Variants in ODC1 observed in about 807,000 individuals in gnomAD.
ODC1 encodes the protein ornithine decarboxylase 1, also known as ornithine decarboxylase.
Under a neutral mutation model 41.5 loss-of-function variants are expected in ODC1, and 18 were observed. The observed-to-expected ratio is 0.43, with a 90% confidence interval of 0.30 to 0.64. ODC1 has a LOEUF of 0.64. ODC1 is among the 30% of genes least tolerant of loss of function. The pLI is 0.11. For synonymous variants in ODC1, 218 were observed against 211.6 expected (o/e 1.03, Z -0.26); for missense variants, 504 against 589.0 (o/e 0.86, Z 1.49).
chr2:10,441,542 G>A lies in ODC1; in HGVS notation c.1208C>T (p.Pro403Leu). ...AASTFNGFQR[P>L]TIYYVMSGPA... ...CCCTGACATCACATAGTAGATCGTC[G>A]GCCTCTGGAAGCCATTGAACGTAGA... The change falls in exon 11 of 12, where the codon CCG (proline) becomes CTG (leucine). Residue 403 changes from proline to leucine, a missense_variant. Coordinates refer to ENST00000234111, the MANE Select transcript of ODC1 (RefSeq NM_002539.3). 1.9e-6 allele frequency: 3 copies of A among 1,614,052 alleles called. No individual in the cohort carries two copies. Among genetic ancestry groups the A allele is most frequent in the Non-Finnish European group, 2.5e-6 (3 of 1,180,012 alleles).
At chr2:10,444,690 C>T (rs370929260) in intron 3 of ODC1, 43 bp from the exon 4 acceptor site, 66 of 1,547,838 alleles carry the variant, frequency 4.3e-5, no homozygotes, top group Non-Finnish European at 5.7e-5. Flanking sequence ...GCAGCCTCAC[C>T]ACACACCACA....
In ODC1 at chr2:10,441,645, G is replaced by A. The variant is rs371443385; in HGVS notation, c.1105C>T (p.Arg369Cys). 9.4e-5 allele frequency: 152 copies of A among 1,614,158 alleles called. 1 individual carries two copies. The highest frequency in any genetic ancestry group is 3.1e-4 in the South Asian group (28 of 91,084). ...TCDGLDRIVE[R>C]CDLPEMHVGD... Reference sequence around the variant, plus strand: ...ACATGCATTTCAGGCAGGTCACAGCGCTCAACAATCCGATCGAGGCCATCA... The same window carrying A: ...ACATGCATTTCAGGCAGGTCACAGCACTCAACAATCCGATCGAGGCCATCA... The change falls in exon 11 of 12, where the codon CGC becomes TGC. Residue 369 changes from arginine (R) to cysteine (C), a missense_variant. Arg to Cys is a radical substitution (Grantham distance 180, BLOSUM62 -3). Transcript: ENST00000234111.
chr2:10,442,889 T>C (rs1671877623), intron 8 of ODC1, among the ~76,000 whole-genome samples: 1 of 151,950 alleles, frequency 6.6e-6, no homozygotes, highest in Admixed American at 6.6e-5. Flanking sequence ...TTTAAAATTT[T>C]TTTTGTAGAG....
rs778672400 is a variant in ODC1 at position 10,443,578 on chromosome 2, T to A, written c.585-7A>T. 3.7e-6 allele frequency: 6 copies of A among 1,611,448 alleles called. No homozygotes were observed. The highest frequency in any genetic ancestry group is 5.1e-6 in the Non-Finnish European group (6 of 1,178,696). ...GCCGCTTCCTACATGGAAGCTGGGG[T>A]AAAATAAAGAGACGAGACACTGTGT... is the stretch of plus-strand genomic sequence containing the variant. On this transcript the variant is annotated splice_polypyrimidine_tract_variant and splice_region_variant and intron_variant, in intron 6 of 11. Transcript: ENST00000234111.
At chr2:10,442,203 C>A in intron 8 of ODC1, 29 bp from the exon 9 acceptor site, 1 of 1,572,114 alleles carries the variant, frequency 6.4e-7, no homozygotes, top group Non-Finnish European at 8.6e-7. Context: ...AAAGAAAGAG[C>A]AGCCTTCATT....
At chr2:10,441,168 G>A (rs1481076817) in intron 11 of ODC1, among the ~76,000 whole-genome samples, 1 of 152,058 alleles carries the variant, frequency 6.6e-6, no homozygotes, top group African/African-American at 2.4e-5. Context: ...GCCCAGGCTC[G>A]AACTCCTGGG....
At position 10,441,723 on chromosome 2, in the gene ODC1, T is replaced by A; in HGVS notation, c.1027A>T (p.Arg343Ter). Residue 343 changes from arginine (R) to a stop codon, truncating the protein, a stop_gained and splice_region_variant, in exon 11 of 12, where the codon AGA becomes TGA. Coordinates refer to ENST00000234111, the MANE Select transcript of ODC1 (RefSeq NM_002539.3). LOFTEE classifies it high-confidence loss of function. ...HAHVKPLLQK[R>*]PKPDEKYYSS... Reference sequence around the variant, plus strand: ...TAATACTTCTCATCTGGTTTAGGTCTCTATATAAAGAGACGGAGAGAGGAA... The same window carrying A: ...TAATACTTCTCATCTGGTTTAGGTCACTATATAAAGAGACGGAGAGAGGAA... 1.9e-6 allele frequency: 3 copies of A among 1,614,160 alleles called. No individual in the cohort carries two copies. The highest frequency in any genetic ancestry group is 2.5e-6 in the Non-Finnish European group (3 of 1,179,976).
intron 1 of ODC1, among the ~76,000 whole-genome samples, chr2:10,445,883 G>A (rs907233219): frequency 5.3e-5 from 8 of 152,112 alleles, no homozygotes; most frequent in African/African-American, 1.2e-4. Context: ...TGATCCACCC[G>A]CCTCGGTCTT....
intron 8 of ODC1, 136 bp downstream of exon 8, chr2:10,443,094 A>G (rs1671885513): frequency 1.4e-6 from 1 of 712,872 alleles, no homozygotes; most frequent in Non-Finnish European, 2.4e-6. Context: ...CAGACAGCAC[A>G]AAGAAATCAC....
Position 10,442,082 on chromosome 2 carries a change from T to C in ODC1, c.843A>G (p.Ala281=). Reference sequence around the variant, plus strand: ...TATTAACTGCAAGCGTGAAAGCTGATGCAACATAGTATCTGCCGGGCTCAG... The same window carrying C: ...TATTAACTGCAAGCGTGAAAGCTGACGCAACATAGTATCTGCCGGGCTCAG... ...IIAEPGRYYV[A]SAFTLAVNII... Residue 281 remains alanine, a synonymous_variant, in exon 9 of 12, where the codon GCA becomes GCG. Transcript: ENST00000234111. 2 of 1,614,152 alleles carry C rather than the reference T, an allele frequency of 1.2e-6. No individual in the cohort carries two copies. Among genetic ancestry groups the C allele is most frequent in the South Asian group, 2.2e-5 (2 of 91,074 alleles).
chr2:10,443,667 T>C (rs1671910978), intron 6 of ODC1, 35 bp downstream of exon 6: 7 of 1,610,928 alleles, frequency 4.3e-6, no homozygotes, highest in East Asian at 2.2e-5. Context: ...AACTGTTCAA[T>C]GTCTTGACCT....
rs776380566 is a variant in ODC1, at chr2:10,443,297, C to G, written c.683G>C (p.Ser228Thr). ...ACCGCCAATATCAAGCAGATACATG[C>G]TGAAACCAACCTCAGCCTAGAATCA... The part of the protein sequence containing the change: ...VFDMGAEVGF[S>T]MYLLDIGGGF... Residue 228 changes from serine (S) to threonine (T), a missense_variant, in exon 8 of 12, where the codon AGC becomes ACC. Physicochemically the swap from Ser to Thr is moderately conservative, Grantham distance 58. Coordinates refer to ENST00000234111, the MANE Select transcript of ODC1 (RefSeq NM_002539.3). 6.2e-7 allele frequency: 1 copy of G among 1,610,962 alleles called. No homozygotes were observed.
In ODC1 at chr2:10,444,549, T is replaced by A. The variant is rs1300885735; in HGVS notation, c.201A>T (p.Ala67=). The change falls in exon 4 of 12, where the codon GCA becomes GCT. Residue 67 remains alanine, a synonymous_variant. Transcript: ENST00000234111. The stretch of plus-strand genomic sequence containing the variant: ...TGGCTTTGCTATCATTACATTTGAC[T>A]GCATAAAAGGGGGTGACACGAGGGA... ...KALPRVTPFY[A]VKCNDSKAIV... 1 of 1,613,934 alleles carries A rather than the reference T, an allele frequency of 6.2e-7. No homozygotes were observed. Among genetic ancestry groups the A allele is most frequent in the Non-Finnish European group, 8.5e-7 (1 of 1,179,982 alleles).
At chr2:10,440,981 G>A in intron 11 of ODC1, 113 bp from the exon 12 acceptor site, 1 of 1,218,828 alleles carries the variant, frequency 8.2e-7, no homozygotes, top group South Asian at 1.5e-5. Context: ...TTCTGAGACA[G>A]GGTCTTTCTC....
In ODC1 at chr2:10,441,880, G is replaced by C; in HGVS notation, c.963C>G (p.Gly321=). Residue 321 remains glycine, a synonymous_variant, in exon 10 of 12, where the codon GGC becomes GGG. Coordinates refer to ENST00000234111, the MANE Select transcript of ODC1 (RefSeq NM_002539.3). The part of the protein sequence containing the change: ...EQTFMYYVND[G]VYGSFNCILY... ...GTATGCAATTAAATGATCCATAGACGCCATCATTCACATAATACATAAAGG... is the reference window on the plus strand; with the variant it reads ...GTATGCAATTAAATGATCCATAGACCCCATCATTCACATAATACATAAAGG... 1 of 1,614,054 alleles carries C rather than the reference G, an allele frequency of 6.2e-7. No homozygotes were observed. Among genetic ancestry groups the C allele is most frequent in the Non-Finnish European group, 8.5e-7 (1 of 1,180,012 alleles).
At chr2:10,440,938 C>A in intron 11 of ODC1, 70 bp from the exon 12 acceptor site, 2 of 1,538,444 alleles carry the variant, frequency 1.3e-6, no homozygotes, top group Middle Eastern at 2.0e-4. Context: ...TATTTACTTC[C>A]CATCAGGAAA....
At chr2:10,443,003 T>C (rs1008143752) in intron 8 of ODC1, among the ~76,000 whole-genome samples, 1 of 152,194 alleles carries the variant, frequency 6.6e-6, no homozygotes, top group African/African-American at 2.4e-5. Context: ...TGAGCCATGA[T>C]TTCCAATGTA....
chr2:10,440,850 G>T lies in ODC1; in HGVS notation c.1260C>A (p.Phe420Leu). 1 of 1,614,058 alleles carries T rather than the reference G, an allele frequency of 6.2e-7. No homozygotes were observed. Among genetic ancestry groups the T allele is most frequent in the East Asian group, 2.2e-5 (1 of 44,878 alleles). ...SGPAWQLMQQ[F>L]QNPDFPPEVE... ...CTTCGGGTGGGAAGTCGGGGTTCTG[G>T]AATTGCTGCATGAGTTGCCTGAGAA... is the stretch of plus-strand genomic sequence containing the variant. Residue 420 changes from phenylalanine (F) to leucine (L), a missense_variant, in exon 12 of 12, where the codon TTC (phenylalanine) becomes TTA (leucine). Phe to Leu is a conservative substitution (Grantham distance 22). Transcript: ENST00000234111.
chr2:10,443,227 T>C lies in ODC1; in HGVS notation c.750+3A>G. ...TGAGTATTACAGTTTTGTTCTAAAT[T>C]ACCTCTTCAAATTTAAGTTTCACAT... On this transcript the variant is annotated splice_donor_region_variant and intron_variant, in intron 8 of 11. Transcript: ENST00000234111. The C allele has an allele frequency of 6.2e-7, 1 of 1,604,786 alleles. No individual in the cohort carries two copies. The highest frequency in any genetic ancestry group is 1.7e-4 in the Middle Eastern group (1 of 6,048).
Sources: allele counts gnomAD v4.1 joint callset (sites outside exome capture counted in the v4.1 genomes callset), GRCh38; gene constraint gnomAD v4.1.1; transcripts MANE v1.5; gene names NCBI Gene and HGNC (gene_info 2026-07-23, HGNC 2026-07-21).